The following ABCA2 variants were observed in gnomAD, a reference collection of about 807,000 sequenced individuals.
ABCA2 encodes ATP-binding cassette sub-family A member 2.
ABCA2 carries 84 observed loss-of-function variants against 262.8 expected under a neutral mutation model. The observed-to-expected ratio is 0.32, with a 90% confidence interval of 0.27 to 0.38. The LOEUF (loss-of-function observed/expected upper bound fraction) is 0.38, where lower values mean the gene tolerates loss of function less well. ABCA2 is among the 10% of genes least tolerant of loss of function. The pLI, the probability that ABCA2 is intolerant of heterozygous loss-of-function variation, is 1.00. For missense variants in ABCA2, 2,662 were observed against 3,405.9 expected (o/e 0.78, Z 5.44); for synonymous variants, 1,696 against 1,502.9 (o/e 1.13, Z -2.97).
chr9:137,016,654 C>T lies in ABCA2; in HGVS notation c.2843G>A (p.Trp948Ter). The change falls in exon 20 of 49, where the codon TGG becomes TAG. Residue 948 changes from tryptophan (W) to a stop codon, truncating the protein, a stop_gained. Coordinates refer to ENST00000341511, the MANE Select transcript of ABCA2 (RefSeq NM_001606.5). LOFTEE classifies it high-confidence loss of function. The stretch of plus-strand genomic sequence containing the variant: ...GGGGGTGCGTGCCCACGGCCAGCTC[C>T]ACTCCCAGGCTTCTGTCCGCCCACT... ...LGSGRTEAWE[W>*]SWPWARTPRL... is the part of the protein sequence containing the mutation. 1.2e-6 allele frequency: 2 copies of T among 1,606,356 alleles called. No individual in the cohort carries two copies.
chr9:137,015,998 C>G lies in ABCA2; in HGVS notation c.3281G>C (p.Ser1094Thr). ...TCTGCGGATCTCCTCCTGAGCCATG[C>G]TCTTGAGCCGTGAGTAGAACCAGAG... Reference protein sequence around the residue: ...EHLWFYSRLKSMAQEEIRREM... With the variant: ...EHLWFYSRLKTMAQEEIRREM... The change falls in exon 22 of 49, where the codon AGC (serine) becomes ACC (threonine). Residue 1094 changes from serine to threonine, a missense_variant. Around this residue, in one of 12 missense-constraint regions of ABCA2, gnomAD observed 180 missense variants for 307.3 expected, o/e 0.59. Coordinates refer to ENST00000341511, the MANE Select transcript of ABCA2 (RefSeq NM_001606.5). 6.3e-7 allele frequency: 1 copy of G among 1,575,876 alleles called. No homozygotes were observed.
In ABCA2 at chr9:137,015,049, C is replaced by T; in HGVS notation, c.3746G>A (p.Cys1249Tyr). 6.2e-7 allele frequency: 1 copy of T among 1,607,062 alleles called. No individual in the cohort carries two copies. The highest frequency in any genetic ancestry group is 8.5e-7 in the Non-Finnish European group (1 of 1,177,256). The change falls in exon 25 of 49, where the codon TGC (cysteine) becomes TAC (tyrosine). Residue 1249 changes from cysteine (C) to tyrosine (Y), a missense_variant. Cys to Tyr is a radical substitution (Grantham distance 194). Coordinates refer to ENST00000341511, the MANE Select transcript of ABCA2 (RefSeq NM_001606.5). Reference sequence around the variant, plus strand: ...GAACTGGGACACCTGGAGCTCGGAGCAGCTGCTCAGCGGGGCCCGACCTGG... The same window carrying T: ...GAACTGGGACACCTGGAGCTCGGAGTAGCTGCTCAGCGGGGCCCGACCTGG... Reference protein sequence around the residue: ...SPPGRAPLSSCSELQVSQFIR... With the variant: ...SPPGRAPLSSYSELQVSQFIR...
At chr9:137,023,126 G>T in intron 3 of ABCA2, 74 bp from the exon 4 acceptor site, 1 of 1,181,692 alleles carries the variant, frequency 8.5e-7, no homozygotes, top group Non-Finnish European at 1.2e-6. Flanking sequence ...AGAAGGGGAG[G>T]GAGACAGAGG....
intron 1 of ABCA2, among the ~76,000 whole-genome samples, chr9:137,024,965 AT>A (rs1831603717): frequency 6.6e-6 from 1 of 152,034 alleles, no homozygotes; most frequent in Non-Finnish European, 1.5e-5. Context: ...TGCCCAGCTA[AT>A]TTTTTGTATT....
rs551366222 is a variant in ABCA2 at position 137,015,422 on chromosome 9, C to A, written c.3689G>T (p.Gly1230Val). ...GCAGCTTCAACACAGACCTTGGGGG[C>A]CCCCCGGCTCGGCGGGCCGCTTGAC... is the stretch of plus-strand genomic sequence containing the variant. ...TLVKRPAEPG[G>V]PQEPGLASSP... Residue 1230 changes from glycine (G) to valine (V), a missense_variant, in exon 24 of 49, where the codon GGC (glycine) becomes GTC (valine). Physicochemically the swap from Gly to Val is moderately radical, Grantham distance 109. Transcript: ENST00000341511. 3.2e-6 allele frequency: 5 copies of A among 1,560,238 alleles called. No individual in the cohort carries two copies. Among genetic ancestry groups the A allele is most frequent in the East Asian group, 4.8e-5 (2 of 41,958 alleles).
Position 137,015,078 on chromosome 9 carries a change from G to A in ABCA2, c.3717C>T (p.Ser1239=), listed in dbSNP as rs1174681246. Residue 1239 remains serine, a synonymous_variant, in exon 25 of 49, where the codon AGC becomes AGT. Coordinates refer to ENST00000341511, the MANE Select transcript of ABCA2 (RefSeq NM_001606.5). ...GGPQEPGLAS[S]PPGRAPLSSC... is the part of the protein sequence containing the mutation. ...TGCTCAGCGGGGCCCGACCTGGGGGGCTGGATGCCAGCCCTGGCTCTGTGG... is the reference window on the plus strand; with the variant it reads ...TGCTCAGCGGGGCCCGACCTGGGGGACTGGATGCCAGCCCTGGCTCTGTGG... 1.1e-5 allele frequency: 18 copies of A among 1,594,888 alleles called. No homozygotes were observed. Among genetic ancestry groups the A allele is most frequent in the Non-Finnish European group, 1.4e-5 (16 of 1,171,486 alleles).
In ABCA2 at chr9:137,015,751, G is replaced by T; in HGVS notation, c.3438C>A (p.Ile1146=). The change falls in exon 23 of 49, where the codon ATC becomes ATA. Residue 1146 remains isoleucine, a synonymous_variant. Transcript: ENST00000341511. ...CCACGCCCGCCGTGGGCTCGTCCAG[G>T]ATGATGGCGCGAGAGCCGCCCACGA... ...IAFVGGSRAI[I]LDEPTAGVDP... The T allele has an allele frequency of 6.2e-7, 1 of 1,612,354 alleles. No homozygotes were observed. Among genetic ancestry groups the T allele is most frequent in the African/African-American group, 1.3e-5 (1 of 75,052 alleles).
At chr9:137,025,619 G>A (rs1012812309) in intron 1 of ABCA2, among the ~76,000 whole-genome samples, 2 of 152,238 alleles carry the variant, frequency 1.3e-5, no homozygotes, top group Non-Finnish European at 2.9e-5. Flanking sequence ...CCTGAGCCAG[G>A]ACGGAGCCCA....
At chr9:137,024,822 G>A (rs1277210331) in intron 1 of ABCA2, among the ~76,000 whole-genome samples, 1 of 146,286 alleles carries the variant, frequency 6.8e-6, no homozygotes, top group Admixed American at 6.8e-5. Flanking sequence ...TTTTTGAGAC[G>A]GAGTCTCACT....
chr9:137,015,230 G>A (rs959551185), intron 24 of ABCA2, 133 bp from the exon 25 acceptor site: 2 of 1,231,830 alleles, frequency 1.6e-6, no homozygotes, highest in African/African-American at 1.5e-5. Context: ...CCTGGGCCCA[G>A]GGGGTGACGC....
In ABCA2 at chr9:137,016,954, G is replaced by A. The variant is rs773986854; in HGVS notation, c.2724C>T (p.Gly908=). 2 of 1,612,712 alleles carry A rather than the reference G, an allele frequency of 1.2e-6. No homozygotes were observed. Among genetic ancestry groups the A allele is most frequent in the Non-Finnish European group, 1.7e-6 (2 of 1,179,964 alleles). The part of the protein sequence containing the change: ...TMLMVDAVVY[G]ILTWYIEAVH... ...CAGCCTCAATGTACCACGTGAGGATGCCATAGACCACGGCGTCCACCATCA... is the reference window on the plus strand; with the variant it reads ...CAGCCTCAATGTACCACGTGAGGATACCATAGACCACGGCGTCCACCATCA... Residue 908 remains glycine, a synonymous_variant, in exon 19 of 49, where the codon GGC becomes GGT. Coordinates refer to ENST00000341511, the MANE Select transcript of ABCA2 (RefSeq NM_001606.5).
chr9:137,013,334 G>C lies in ABCA2; in HGVS notation c.4551-16C>G, dbSNP rs747653270. ...TAGCCGCAGCCTGCGGGCACCGACA[G>C]TGTGAGGTGGGGCTGCCAGTCTCCG... On this transcript the variant is annotated splice_polypyrimidine_tract_variant and intron_variant, in intron 29 of 48. Coordinates refer to ENST00000341511, the MANE Select transcript of ABCA2 (RefSeq NM_001606.5). The C allele has an allele frequency of 7.2e-6, 11 of 1,537,366 alleles. No homozygotes were observed. The South Asian group carries it at 1.2e-4, about 17-fold the overall frequency.
Position 137,021,997 on chromosome 9 carries a change from T to G in ABCA2, c.572A>C (p.Tyr191Ser), listed in dbSNP as rs1831469702. 2 of 1,013,930 alleles carry G rather than the reference T, an allele frequency of 2.0e-6. No homozygotes were observed. Among genetic ancestry groups the G allele is most frequent in the Non-Finnish European group, 2.7e-6 (2 of 754,430 alleles). 62.8% of individuals were successfully genotyped at this position (1,013,930 alleles called of 1,614,324 possible). ...AGATGAGGGACCAAAGAGCAGGTGG[T>G]AGACCTAGGAGGTGTGGGGGAATGG... Reference protein sequence around the residue: ...LAARVDPPEVYHLLFGPSSAL... With the variant: ...LAARVDPPEVSHLLFGPSSAL... Residue 191 changes from tyrosine to serine, a missense_variant, in exon 7 of 49, where the codon TAC becomes TCC. Physicochemically the swap from Tyr to Ser is moderately radical, Grantham distance 144 (BLOSUM62 -2). This residue lies in a region of ABCA2 where 403 missense variants were observed against 375.9 expected (regional missense o/e 1.07). Coordinates refer to ENST00000341511, the MANE Select transcript of ABCA2 (RefSeq NM_001606.5). This position sits in a 1 kb window ranked among gnomAD's most constrained non-coding sequence, Gnocchi z 6.0.
intron 1 of ABCA2, among the ~76,000 whole-genome samples, chr9:137,024,908 C>T (rs1201172778): frequency 1.3e-5 from 2 of 151,850 alleles, no homozygotes; most frequent in Non-Finnish European, 2.9e-5. Context: ...ACACCATTCT[C>T]TTGCCTCAGC....
At chr9:137,008,300 TG>T in intron 48 of ABCA2, 115 bp downstream of exon 48, 2 of 1,247,566 alleles carry the variant, frequency 1.6e-6, no homozygotes, top group Non-Finnish European at 2.3e-6. Context: ...CCTTGACCTC[TG>T]GACAGCAAGC....
In ABCA2 at chr9:137,010,953, C is replaced by T; in HGVS notation, c.6056+20G>A. ...TCCCTGCTCCCGCCCCGCCCCCGCC[C>T]CACCCCGCCCCCCACTCACTGTGGC... On this transcript the variant is annotated intron_variant, in intron 39 of 48. Transcript: ENST00000341511. 2 of 1,205,480 alleles carry T rather than the reference C, an allele frequency of 1.7e-6. No homozygotes were observed. The highest frequency in any genetic ancestry group is 2.7e-5 in the East Asian group (1 of 37,294). The allele number at this position is 1,205,480 out of a possible 1,614,324, so 74.7% of individuals were successfully genotyped here.
At chr9:137,024,600 A>G (rs1409634445) in intron 1 of ABCA2, among the ~76,000 whole-genome samples, 1 of 151,984 alleles carries the variant, frequency 6.6e-6, no homozygotes, top group Non-Finnish European at 1.5e-5. Context: ...AATCTTGGGG[A>G]CCATCTGAGC....
In ABCA2 at chr9:137,020,442, G is replaced by A; in HGVS notation, c.1319C>T (p.Thr440Met). 2 of 1,611,594 alleles carry A rather than the reference G, an allele frequency of 1.2e-6. No homozygotes were observed. The highest frequency in any genetic ancestry group is 2.2e-5 in the East Asian group (1 of 44,864). Residue 440 changes from threonine to methionine, a missense_variant, in exon 10 of 49, where the codon ACG becomes ATG. By Grantham distance (81) the Thr-to-Met change is moderately conservative (BLOSUM62 -1). Transcript: ENST00000341511. ...RRGNMSSLGF[T>M]SKEQRNLGLL... ...GCCCAGGTTCCGCTGCTCCTTGCTC[G>A]TGAAGCCCAGGGAGCTCATGTTGCC...
Position 137,016,568 on chromosome 9 carries a change from C to T in ABCA2, c.2923+6G>A. ...ACCCCAGCCACCATTCTGATGCCAG[C>T]CTCACCAAAGCGCCGGCTCTCCATG... On this transcript the variant is annotated splice_donor_region_variant and intron_variant, in intron 20 of 48. Transcript: ENST00000341511. 1 of 1,612,222 alleles carries T rather than the reference C, an allele frequency of 6.2e-7. No homozygotes were observed. Among genetic ancestry groups the T allele is most frequent in the Non-Finnish European group, 8.5e-7 (1 of 1,179,934 alleles).
Sources: gnomAD v4.1 joint callset for allele counts (sites outside exome capture counted in the v4.1 genomes callset) on GRCh38, gnomAD v4.1.1 for gene constraint, gnomAD v4.1.1 regional missense constraint, Gnocchi (gnomAD v3.1) non-coding constraint, MANE v1.5 for transcripts, NCBI Gene and HGNC (gene_info 2026-07-23, HGNC 2026-07-21) for gene names.